Variants in ZBTB20 observed in about 807,000 individuals in gnomAD.
ZBTB20 encodes the protein zinc finger and BTB domain-containing protein 20.
Under a neutral mutation model 56.9 loss-of-function variants are expected in ZBTB20, and 9 were observed. The observed-to-expected ratio is 0.16, with a 90% CI of 0.10 to 0.28. ZBTB20 has a LOEUF of 0.28. Ranked by LOEUF, ZBTB20 falls within the 10% of genes least tolerant of loss-of-function variation. The probability of loss-of-function intolerance (pLI) is 1.00; values close to 1 mark genes in which losing one functional copy is unlikely to be tolerated. For synonymous variants in ZBTB20, 417 were observed against 420.7 expected, an observed-to-expected ratio of 0.99 and a Z score of 0.11; for missense variants, 655 against 1,003.0, an observed-to-expected ratio of 0.65 and a Z score of 4.69.
intron 7 of ZBTB20, among the ~76,000 whole-genome samples, chr3:114,389,771 C>T (rs2108621007): frequency 6.6e-6 from 1 of 151,898 alleles, no homozygotes; most frequent in Middle Eastern, 3.4e-3. Flanking sequence ...CGCCTGTAGT[C>T]CCAGCTACTC....
At chr3:115,053,309 C>T (rs2108444914) in intron 2 of ZBTB20, among the ~76,000 whole-genome samples, 1 of 152,180 alleles carries the variant, frequency 6.6e-6, no homozygotes, top group East Asian at 1.9e-4. Context: ...GTTTGTTTTG[C>T]TTTGTTTTGT....
intron 6 of ZBTB20, among the ~76,000 whole-genome samples, chr3:114,677,009 G>A (rs756032833): frequency 9.2e-5 from 14 of 151,968 alleles, no homozygotes; most frequent in African/African-American, 1.2e-4. Flanking sequence ...TCCTGACCTC[G>A]TGATGCCTGC....
At chr3:114,824,939 A>AT (rs1412519591) in intron 4 of ZBTB20, among the ~76,000 whole-genome samples, 1 of 151,912 alleles carries the variant, frequency 6.6e-6, no homozygotes. Flanking sequence ...AATTGAATTA[A>AT]TTTTTGTAAT....
At chr3:114,550,108 T>C (rs1467776380) in intron 6 of ZBTB20, among the ~76,000 whole-genome samples, 1 of 152,052 alleles carries the variant, frequency 6.6e-6, no homozygotes, top group African/African-American at 2.4e-5. Context: ...TAGCTAATTT[T>C]TTTGTATTTT....
At chr3:114,946,048 A>G (rs2076876336) in intron 3 of ZBTB20, among the ~76,000 whole-genome samples, 1 of 145,972 alleles carries the variant, frequency 6.9e-6, no homozygotes, top group Non-Finnish European at 1.5e-5. Context: ...GGTGAAATAA[A>G]CAAATACACA....
At chr3:114,781,837 C>T (rs991804052) in intron 5 of ZBTB20, among the ~76,000 whole-genome samples, 3 of 152,178 alleles carry the variant, frequency 2.0e-5, no homozygotes, top group African/African-American at 7.2e-5. Context: ...TTTCCCCTTT[C>T]GCTTGGCTCT....
At chr3:114,610,640 T>TCAAGATAGAAAACTCAAA (rs1472058107) in intron 6 of ZBTB20, among the ~76,000 whole-genome samples, 1 of 152,082 alleles carries the variant, frequency 6.6e-6, no homozygotes, top group African/African-American at 2.4e-5. Context: ...AACTCAGAAC[T>TCAAGATAGAAAACTCAAA]CAAGATAGAA....
chr3:114,402,469 T>C (rs2086907494), intron 7 of ZBTB20, among the ~76,000 whole-genome samples: 1 of 152,174 alleles, frequency 6.6e-6, no homozygotes, highest in African/African-American at 2.4e-5. Context: ...CTGGATTTGA[T>C]AACAAAACTC....
intron 6 of ZBTB20, among the ~76,000 whole-genome samples, chr3:114,634,903 G>A (rs998899267): frequency 4.6e-5 from 7 of 152,120 alleles, no homozygotes; most frequent in African/African-American, 7.2e-5. Flanking sequence ...GTAGAACTTC[G>A]TTCCCAGGGA....
rs541172920 is a variant in ZBTB20, at chr3:114,675,395, G to A, written c.-295+18133C>T. 4.6e-5 allele frequency among the ~76,000 whole-genome samples: 7 copies of A among 152,078 alleles called. No homozygotes were observed. The South Asian group carries it at 1.0e-3, about 23-fold the overall frequency. ...TAGCTACTAAGCACATTACCATTCC[G>A]TTTGTGGAATGGACTAAACGTGACA... On this transcript the variant is annotated intron_variant, in intron 6 of 11. Transcript: ENST00000675478.
chr3:114,705,531 C>G (rs145275495), intron 5 of ZBTB20, among the ~76,000 whole-genome samples: 1 of 152,202 alleles, frequency 6.6e-6, no homozygotes, highest in African/African-American at 2.4e-5. Context: ...GGGAAAATAG[C>G]AAAAGGAAGA....
chr3:115,038,590 C>T (rs1218621382), intron 2 of ZBTB20, among the ~76,000 whole-genome samples: 1 of 152,106 alleles, frequency 6.6e-6, no homozygotes, highest in Non-Finnish European at 1.5e-5. Flanking sequence ...TTCCTGAATA[C>T]ATTTTCCTTG....
intron 1 of ZBTB20, among the ~76,000 whole-genome samples, chr3:115,132,785 A>C (rs756345211): frequency 2.8e-3 from 423 of 152,094 alleles, no homozygotes; most frequent in Non-Finnish European, 4.4e-3. Context: ...ACAAAAAAAA[A>C]CCCCCAAAAT....
At chr3:114,770,978 A>C (rs2069152615) in intron 5 of ZBTB20, among the ~76,000 whole-genome samples, 1 of 152,188 alleles carries the variant, frequency 6.6e-6, no homozygotes. Context: ...CGGATTAGGG[A>C]TGCTCAGCCT....
chr3:114,957,088 A>T (rs868228548), intron 3 of ZBTB20, among the ~76,000 whole-genome samples: 4 of 152,204 alleles, frequency 2.6e-5, no homozygotes, highest in Non-Finnish European at 5.9e-5. Flanking sequence ...CACCTCTTCC[A>T]AAACAAAATT....
At chr3:114,584,950 CAA>C (rs1048846193) in intron 6 of ZBTB20, among the ~76,000 whole-genome samples, 3 of 152,034 alleles carry the variant, frequency 2.0e-5, no homozygotes, top group African/African-American at 7.2e-5. Flanking sequence ...ATGAAAAGGC[CAA>C]AGTCTTAGGG....
chr3:115,136,721 T>C (rs2107330872), intron 1 of ZBTB20, among the ~76,000 whole-genome samples: 1 of 152,246 alleles, frequency 6.6e-6, no homozygotes, highest in East Asian at 1.9e-4. Flanking sequence ...ACAACAAATG[T>C]TGAGACTGTA....
chr3:114,405,119 C>T (rs2087188227), intron 7 of ZBTB20, among the ~76,000 whole-genome samples: 1 of 151,798 alleles, frequency 6.6e-6, no homozygotes, highest in African/African-American at 2.4e-5. Flanking sequence ...AAGAACAAGC[C>T]CAATATAGAA....
At chr3:114,712,509 C>T (rs535296901) in intron 5 of ZBTB20, among the ~76,000 whole-genome samples, 42 of 151,714 alleles carry the variant, frequency 2.8e-4, no homozygotes, top group African/African-American at 8.0e-4. Flanking sequence ...AAAAATTAGC[C>T]GGGTGTGGTG....
Sources: allele counts gnomAD v4.1 joint callset (sites outside exome capture counted in the v4.1 genomes callset), GRCh38; gene constraint gnomAD v4.1.1; transcripts MANE v1.5; gene names NCBI Gene and HGNC (gene_info 2026-07-23, HGNC 2026-07-21).